PAPPA: variants seen among roughly 807,000 people sequenced by gnomAD.
PAPPA encodes pappalysin 1.
A neutral mutation model predicts 164.0 loss-of-function variants in PAPPA; 60 were observed. The observed-to-expected ratio is 0.37, with a 90% CI of 0.30 to 0.45. The LOEUF (loss-of-function observed/expected upper bound fraction) is 0.45, where lower values mean the gene tolerates loss of function less well. Ranked by LOEUF, PAPPA falls within the 20% of genes least tolerant of loss-of-function variation. The pLI is 1.00. For missense variants in PAPPA, 1,782 were observed against 2,087.3 expected (o/e 0.85, Z 2.85); for synonymous variants, 875 against 814.1 (o/e 1.07, Z -1.27).
chr9:116,235,093 T>C, intron 6 of PAPPA, 46 bp from the exon 7 acceptor site: 1 of 1,611,470 alleles, frequency 6.2e-7, no homozygotes, highest in Non-Finnish European at 8.5e-7. Flanking sequence ...AGGATGGGAA[T>C]AAAGCTCTTT....
chr9:116,206,818 A>G (rs1844241439), intron 2 of PAPPA, among the ~76,000 whole-genome samples: 1 of 152,218 alleles, frequency 6.6e-6, no homozygotes, highest in South Asian at 2.1e-4. Flanking sequence ...GGATTTGTTC[A>G]TTAGAGAACA....
chr9:116,235,359 G>T lies in PAPPA; in HGVS notation c.2454G>T (p.Leu818=), dbSNP rs1402578111. The T allele has an allele frequency of 1.7e-5, 28 of 1,613,918 alleles. 1 individual carries two copies. The Admixed American group carries it at 4.2e-4, about 24-fold the overall frequency. Residue 818 remains leucine, a synonymous_variant, in exon 7 of 22, where the codon CTG becomes CTT. Transcript: ENST00000328252. ...DSSGAVNDIK[L]LAVSGKNISL... The stretch of plus-strand genomic sequence containing the variant: ...GTGGAGCTGTCAATGACATCAAACT[G>T]TTGGCTGTCAGTGGGAAGAACATCT...
At chr9:116,387,834 C>T (rs1846835992) in intron 21 of PAPPA, among the ~76,000 whole-genome samples, 1 of 152,234 alleles carries the variant, frequency 6.6e-6, no homozygotes, top group Admixed American at 6.5e-5. Context: ...CCTTTTGCAG[C>T]AGGCTTGTGT....
At chr9:116,285,273 G>C (rs1489201938) in intron 9 of PAPPA, among the ~76,000 whole-genome samples, 1 of 138,458 alleles carries the variant, frequency 7.2e-6, no homozygotes, top group Non-Finnish European at 1.5e-5. Flanking sequence ...GGGTTCAAGT[G>C]ATTCTCCTGC....
intron 13 of PAPPA, among the ~76,000 whole-genome samples, chr9:116,335,597 G>C (rs192778739): frequency 1.1e-4 from 16 of 152,244 alleles, no homozygotes; most frequent in Admixed American, 4.6e-4. Context: ...AGTGGTCTAA[G>C]AGCCTGTCTT....
intron 1 of PAPPA, among the ~76,000 whole-genome samples, chr9:116,173,986 C>G (rs1843802251): frequency 6.6e-6 from 1 of 152,174 alleles, no homozygotes; most frequent in Non-Finnish European, 1.5e-5. Flanking sequence ...AGTCTGATTG[C>G]TTGGGGTTGA....
chr9:116,278,999 C>T (rs558144156), intron 9 of PAPPA, among the ~76,000 whole-genome samples: 15 of 152,280 alleles, frequency 9.9e-5, no homozygotes, highest in Admixed American at 3.9e-4. Context: ...AACCCATCAT[C>T]AGCAAAAATG....
chr9:116,382,381 G>C lies in PAPPA; in HGVS notation c.4678-14G>C. 1 of 1,580,842 alleles carries C rather than the reference G, an allele frequency of 6.3e-7. No homozygotes were observed. Among genetic ancestry groups the C allele is most frequent in the Non-Finnish European group, 8.7e-7 (1 of 1,149,716 alleles). Reference sequence around the variant, plus strand: ...TAACAAGGCCTCATTTCCTCCTTCTGTCTCCCTTTCCAGCCCTTCATGGGA... The same window carrying C: ...TAACAAGGCCTCATTTCCTCCTTCTCTCTCCCTTTCCAGCCCTTCATGGGA... On this transcript the variant is annotated splice_polypyrimidine_tract_variant and intron_variant, in intron 20 of 21. Transcript: ENST00000328252.
chr9:116,342,185 A>G (rs563172877), intron 13 of PAPPA, among the ~76,000 whole-genome samples: 6 of 152,322 alleles, frequency 3.9e-5, no homozygotes, highest in African/African-American at 1.4e-4. Flanking sequence ...CTAGTAGCTT[A>G]CAGAGTAAAT....
intron 2 of PAPPA, among the ~76,000 whole-genome samples, chr9:116,195,424 G>A (rs1053468070): frequency 2.6e-5 from 4 of 152,208 alleles, no homozygotes; most frequent in Admixed American, 2.6e-4. Context: ...AGGAACAGTA[G>A]AAGATCAATA....
chr9:116,170,704 C>T lies in PAPPA; in HGVS notation c.415+16117C>T, dbSNP rs1341401752. 2.0e-5 allele frequency among the ~76,000 whole-genome samples: 3 copies of T among 151,218 alleles called. No individual in the cohort carries two copies. In the East Asian group the frequency reaches 5.9e-4, roughly 30 times the overall value. ...ATCCCCTTTCATCCCCATTCATTCC[C>T]TAATCCATCCACCCTTCTTTTCTGC... On this transcript the variant is annotated intron_variant, in intron 1 of 21. Coordinates refer to ENST00000328252, the MANE Select transcript of PAPPA (RefSeq NM_002581.5).
chr9:116,235,531 C>A lies in PAPPA; in HGVS notation c.2626C>A (p.Pro876Thr), dbSNP rs563778448. ...CATGTTGACCTCCACTGCAGACACC[C>A]CACTCTGTCTACAGTGTAAGCCCCT... ...AAMLTSTADT[P>T]LCLQCKPLKY... The change falls in exon 7 of 22, where the codon CCA (proline) becomes ACA (threonine). Residue 876 changes from proline to threonine, a missense_variant. Pro to Thr is a conservative substitution (Grantham distance 38). Coordinates refer to ENST00000328252, the MANE Select transcript of PAPPA (RefSeq NM_002581.5). The A allele has an allele frequency of 6.2e-7, 1 of 1,613,466 alleles. No individual in the cohort carries two copies. Among genetic ancestry groups the A allele is most frequent in the Non-Finnish European group, 8.5e-7 (1 of 1,179,954 alleles).
chr9:116,234,587 A>G (rs1844636865), intron 6 of PAPPA, among the ~76,000 whole-genome samples: 1 of 152,202 alleles, frequency 6.6e-6, no homozygotes, highest in Admixed American at 6.5e-5. Flanking sequence ...CAGTAATACC[A>G]CAAGGATTCT....
At chr9:116,167,016 A>C (rs1254570138) in intron 1 of PAPPA, among the ~76,000 whole-genome samples, 1 of 152,262 alleles carries the variant, frequency 6.6e-6, no homozygotes, top group East Asian at 1.9e-4. Context: ...GAACATTATA[A>C]GATTTCAAAA....
intron 9 of PAPPA, among the ~76,000 whole-genome samples, chr9:116,274,303 T>G (rs930342959): frequency 3.3e-5 from 5 of 152,154 alleles, no homozygotes; most frequent in East Asian, 1.9e-4. Flanking sequence ...ACTTAAAATC[T>G]CATTATAGAC....
intron 17 of PAPPA, among the ~76,000 whole-genome samples, chr9:116,355,852 G>A (rs1057120032): frequency 1.3e-5 from 2 of 152,224 alleles, no homozygotes; most frequent in Admixed American, 1.3e-4. Context: ...GAATGAGGGT[G>A]TGCGTGCCAA....
intron 1 of PAPPA, among the ~76,000 whole-genome samples, chr9:116,159,086 A>G (rs1438852454): frequency 6.6e-6 from 1 of 152,264 alleles, no homozygotes. Context: ...GAAGCCCTGC[A>G]TGAGACCTGG....
chr9:116,170,096 A>C (rs1366307048), intron 1 of PAPPA, among the ~76,000 whole-genome samples: 3 of 151,982 alleles, frequency 2.0e-5, no homozygotes, highest in Admixed American at 2.0e-4. Flanking sequence ...GGTTGTGCAT[A>C]TTTTTCTGGA....
chr9:116,361,831 C>T (rs1326393445), intron 17 of PAPPA, among the ~76,000 whole-genome samples: 1 of 152,172 alleles, frequency 6.6e-6, no homozygotes. Context: ...ACGAATCTTA[C>T]TTGAATTAGC....
Sources: gnomAD v4.1 joint callset for allele counts (sites outside exome capture counted in the v4.1 genomes callset) on GRCh38, gnomAD v4.1.1 for gene constraint, MANE v1.5 for transcripts, NCBI Gene and HGNC (gene_info 2026-07-23, HGNC 2026-07-21) for gene names.